The following COL5A3 variants were observed in gnomAD, a reference collection of about 807,000 sequenced individuals.
COL5A3 encodes collagen type V alpha 3 chain, also known as collagen alpha-3(V) chain.
COL5A3 carries 172 observed loss-of-function variants against 250.0 expected under a neutral mutation model. That is an observed-to-expected ratio of 0.69 (90% confidence interval 0.61 to 0.78). The LOEUF is 0.78. COL5A3 is among the 30% of genes least tolerant of loss of function. The pLI, the probability that COL5A3 is intolerant of heterozygous loss-of-function variation, is 0.00. For missense variants in COL5A3, 2,340 were observed against 2,334.4 expected (o/e 1.00, Z -0.05); for synonymous variants, 937 against 900.4 (o/e 1.04, Z -0.73).
At chr19:10,001,440 C>T (rs2087359280) in intron 8 of COL5A3, 84 bp downstream of exon 8, 5 of 1,413,912 alleles carry the variant, frequency 3.5e-6, no homozygotes, top group East Asian at 2.5e-5. Flanking sequence ...AGCCACTGCG[C>T]CCTGCCTAAA....
In COL5A3 at chr19:9,973,641, A is replaced by G; in HGVS notation, c.3613-18T>C. The G allele has an allele frequency of 6.2e-7, 1 of 1,611,902 alleles. No homozygotes were observed. The highest frequency in any genetic ancestry group is 8.5e-7 in the Non-Finnish European group (1 of 1,178,784). On this transcript the variant is annotated intron_variant, in intron 49 of 66. Coordinates refer to ENST00000264828, the MANE Select transcript of COL5A3 (RefSeq NM_015719.4). ...CGCTCACCCTGCAGGAGGCAAAGTG[A>G]GAGTGGGGAGAGGTCCCATCCTAGC...
chr19:9,995,665 G>A lies in COL5A3; in HGVS notation c.1534-48C>T, dbSNP rs752629641. The A allele has an allele frequency of 1.1e-5, 16 of 1,418,546 alleles. No homozygotes were observed. In the South Asian group the frequency reaches 1.9e-4, roughly 16 times the overall value. The allele number at this position is 1,418,546 out of a possible 1,614,324, so 87.9% of individuals were successfully genotyped here. ...AAGGAAAGGAAAATAAGAAGAAAGA[G>A]GGACTTATTCTATTGTATTAAAAAA... On this transcript the variant is annotated intron_variant, in intron 15 of 66. Transcript: ENST00000264828.
At chr19:9,995,067 C>T (rs778788550) in intron 16 of COL5A3, among the ~76,000 whole-genome samples, 14 of 152,040 alleles carry the variant, frequency 9.2e-5, no homozygotes, top group Non-Finnish European at 1.8e-4. Context: ...GCTGCCATGC[C>T]CGGCTAATTT....
intron 64 of COL5A3, among the ~76,000 whole-genome samples, chr19:9,965,168 T>C (rs1300346316): frequency 6.9e-6 from 1 of 145,902 alleles, no homozygotes; most frequent in Non-Finnish European, 1.5e-5. Context: ...TTTTTTTTTT[T>C]TTTTGAGATG....
Position 9,998,025 on chromosome 19 carries a change from C to T in COL5A3, c.1159G>A (p.Gly387Arg), listed in dbSNP as rs1231358605. Residue 387 changes from glycine to arginine, a missense_variant and splice_region_variant, in exon 10 of 67, where the codon GGG becomes AGG. Physicochemically the swap from Gly to Arg is moderately radical, Grantham distance 125. Around this residue, in one of 3 missense-constraint regions of COL5A3, gnomAD observed 1,152 missense variants for 1,146.3 expected, o/e 1.00. Coordinates refer to ENST00000264828, the MANE Select transcript of COL5A3 (RefSeq NM_015719.4). ...AKGEPAVIEK[G>R]QQFEGPPGAP... ...CCTGGAGGTCCCTCAAACTGCTGCCCCTGAAGGGAGAAGTGAGTGTCGGTG... is the reference window on the plus strand; with the variant it reads ...CCTGGAGGTCCCTCAAACTGCTGCCTCTGAAGGGAGAAGTGAGTGTCGGTG... 4 of 1,614,056 alleles carry T rather than the reference C, an allele frequency of 2.5e-6. No individual in the cohort carries two copies. The highest frequency in any genetic ancestry group is 3.4e-6 in the Non-Finnish European group (4 of 1,180,016).
intron 37 of COL5A3, 131 bp downstream of exon 37, chr19:9,979,708 C>A: frequency 2.2e-6 from 2 of 899,090 alleles, no homozygotes; most frequent in Non-Finnish European, 3.4e-6. Flanking sequence ...ATTGCTTGAA[C>A]CTGGGAGGCA....
chr19:9,974,113 G>C (rs746636714), intron 47 of COL5A3, 58 bp downstream of exon 47: 1 of 1,570,614 alleles, frequency 6.4e-7, no homozygotes, highest in Non-Finnish European at 8.7e-7. Context: ...TCTAATGCCT[G>C]CCGCCAACCT....
intron 9 of COL5A3, 25 bp downstream of exon 9, chr19:9,998,077 C>T: frequency 1.9e-6 from 3 of 1,613,950 alleles, no homozygotes; most frequent in Non-Finnish European, 1.7e-6. Flanking sequence ...AGCCTCTCAA[C>T]CCCCTCACAA....
rs1024906244 is a variant in COL5A3 at position 10,009,604 on chromosome 19, C to G, written c.88+694G>C. On this transcript the variant is annotated intron_variant, in intron 1 of 66. Transcript: ENST00000264828. The surrounding 1 kb of genome is among the most constrained non-coding windows in gnomAD (Gnocchi z 4.4). ...TGGTGCTGATCGCGGCTCTGGGGAC[C>G]GCGGGGTGGGGGAGGGGGCAACAGG... Among the ~76,000 whole-genome samples the G allele has an allele frequency of 4.0e-5, 6 of 151,840 alleles. No homozygotes were observed. The highest frequency in any genetic ancestry group is 2.0e-4 in the Admixed American group (3 of 15,250).
chr19:9,979,379 A>C lies in COL5A3; in HGVS notation c.2751T>G (p.Gly917=), dbSNP rs754911822. 6.2e-7 allele frequency: 1 copy of C among 1,614,150 alleles called. No individual in the cohort carries two copies. Among genetic ancestry groups the C allele is most frequent in the Non-Finnish European group, 8.5e-7 (1 of 1,180,010 alleles). The change falls in exon 38 of 67, where the codon GGT becomes GGG. Residue 917 remains glycine (G), a synonymous_variant. Coordinates refer to ENST00000264828, the MANE Select transcript of COL5A3 (RefSeq NM_015719.4). ...QGQTGPPGPA[G]VLGPQGKTGE... ...CCACTCTGACCTGAGGGCCTAAGACACCAGCTGGTCCAGGCGGGCCTGTCT... is the reference window on the plus strand; with the variant it reads ...CCACTCTGACCTGAGGGCCTAAGACCCCAGCTGGTCCAGGCGGGCCTGTCT...
At chr19:9,978,755 C>T in intron 40 of COL5A3, 128 bp from the exon 41 acceptor site, 1 of 913,544 alleles carries the variant, frequency 1.1e-6, no homozygotes, top group Non-Finnish European at 1.6e-6. Context: ...AGGGGTCTGC[C>T]TTCCCCAGTT....
rs564107769 is a variant in COL5A3 at position 10,001,641 on chromosome 19, C to A, written c.993G>T (p.Glu331Asp). ...ERSLDPDSGT[E>D]LGTLETKAAR... ...CTGCCTTGGTCTCCAGGGTCCCCAGCTCGGTTCCACTGTCAGGGTCCAAGC... is the reference window on the plus strand; with the variant it reads ...CTGCCTTGGTCTCCAGGGTCCCCAGATCGGTTCCACTGTCAGGGTCCAAGC... Residue 331 changes from glutamate to aspartate, a missense_variant, in exon 8 of 67, where the codon GAG (glutamate) becomes GAT (aspartate). By Grantham distance (45) the Glu-to-Asp change is conservative (BLOSUM62 2). This residue lies in a region of COL5A3 where 1,152 missense variants were observed against 1,146.3 expected (regional missense o/e 1.00). Coordinates refer to ENST00000264828, the MANE Select transcript of COL5A3 (RefSeq NM_015719.4). 2 of 1,614,064 alleles carry A rather than the reference C, an allele frequency of 1.2e-6. No individual in the cohort carries two copies. The highest frequency in any genetic ancestry group is 2.2e-5 in the East Asian group (1 of 44,868).
intron 27 of COL5A3, 129 bp downstream of exon 27, chr19:9,988,995 C>T (rs2087147844): frequency 1.1e-6 from 1 of 921,120 alleles, no homozygotes; most frequent in Non-Finnish European, 1.8e-6. Flanking sequence ...CTCCAAACCC[C>T]AGTCCCACTA....
intron 6 of COL5A3, among the ~76,000 whole-genome samples, chr19:10,002,372 A>T (rs1048615678): frequency 2.6e-5 from 4 of 152,004 alleles, no homozygotes; most frequent in Non-Finnish European, 4.4e-5. Flanking sequence ...TGGTGTTTGT[A>T]TTCTTGGCCA....
At chr19:10,000,452 C>CTTTTTTTTTTTTTT (rs576119335) in intron 8 of COL5A3, among the ~76,000 whole-genome samples, 2 of 62,762 alleles carry the variant, frequency 3.2e-5, no homozygotes, top group Non-Finnish European at 5.8e-5. Flanking sequence ...CCAGAGAGCT[C>CTTTTTTTTTTTTTT]TTTTTTTTTT....
chr19:10,003,666 C>T lies in COL5A3; in HGVS notation c.748G>A (p.Gly250Arg), dbSNP rs751285513. ...ETPRPRRKGK[G>R]KGRKKGRGRK... is the part of the protein sequence containing the mutation. ...CCTCGCCCTTTCTTCCTCCCTTTTC[C>T]CTTCCCCTTCCGCCGAGGACGAGGG... The change falls in exon 6 of 67, where the codon GGA (glycine) becomes AGA (arginine). Residue 250 changes from glycine to arginine, a missense_variant. Physicochemically the swap from Gly to Arg is moderately radical, Grantham distance 125. This residue lies in a region of COL5A3 where 1,152 missense variants were observed against 1,146.3 expected (regional missense o/e 1.00). Coordinates refer to ENST00000264828, the MANE Select transcript of COL5A3 (RefSeq NM_015719.4). 6.2e-7 allele frequency: 1 copy of T among 1,614,164 alleles called. No homozygotes were observed. Among genetic ancestry groups the T allele is most frequent in the East Asian group, 2.2e-5 (1 of 44,880 alleles).
At chr19:9,981,048 C>A in intron 33 of COL5A3, 40 bp downstream of exon 33, 1 of 1,606,412 alleles carries the variant, frequency 6.2e-7, no homozygotes, top group South Asian at 1.1e-5. Context: ...GCCCTGTCCC[C>A]AAGTCCCAGC....
intron 21 of COL5A3, 133 bp downstream of exon 21, chr19:9,992,694 C>A (rs2145122051): frequency 1.2e-6 from 1 of 845,324 alleles, no homozygotes; most frequent in Non-Finnish European, 1.9e-6. Context: ...TGAGAATCAC[C>A]TGAACCCAGG....
chr19:10,005,456 T>C lies in COL5A3; in HGVS notation c.594+102A>G, dbSNP rs1394854268. ...CTTCCCTTAGCTTCCTGGGGATAGATTGAAGCTTGACATCTTCCTTCTTTA... is the reference window on the plus strand; with the variant it reads ...CTTCCCTTAGCTTCCTGGGGATAGACTGAAGCTTGACATCTTCCTTCTTTA... On this transcript the variant is annotated intron_variant, in intron 4 of 66. Transcript: ENST00000264828. The C allele has an allele frequency of 1.3e-5, 16 of 1,231,446 alleles. No individual in the cohort carries two copies. The Admixed American group carries it at 2.6e-4, about 20-fold the overall frequency. The allele number at this position is 1,231,446 out of a possible 1,614,324, so 76.3% of individuals were successfully genotyped here.
Sources: gnomAD v4.1 joint callset for allele counts (sites outside exome capture counted in the v4.1 genomes callset) on GRCh38, gnomAD v4.1.1 for gene constraint, gnomAD v4.1.1 regional missense constraint, Gnocchi (gnomAD v3.1) non-coding constraint, MANE v1.5 for transcripts, NCBI Gene and HGNC (gene_info 2026-07-23, HGNC 2026-07-21) for gene names.